Variants in PRR12 observed in about 807,000 individuals in gnomAD.
The protein encoded by PRR12 is proline-rich protein 12.
Under a neutral mutation model 138.0 loss-of-function variants are expected in PRR12, and 12 were observed. The observed-to-expected ratio is 0.09, with a 90% CI of 0.06 to 0.14. The LOEUF is 0.14. PRR12 is among the 10% of genes least tolerant of loss of function. PRR12 has a pLI of 1.00. For missense variants in PRR12, 2,692 were observed against 2,861.3 expected, an observed-to-expected ratio of 0.94 and a Z score of 1.35; for synonymous variants, 1,567 against 1,291.7, an observed-to-expected ratio of 1.21 and a Z score of -4.57.
Position 49,591,240 on chromosome 19 carries a change from AGGCGGC to A in PRR12, c.-401_-396del, listed in dbSNP as rs541946162. The stretch of plus-strand genomic sequence containing the variant: ...TGCACCGTGAGCGCAGAGGAGGAGG[AGGCGGC>A]GGCGGCGGCGGCGAGAGAGCGAGCA... On this transcript the variant is annotated 5_prime_UTR_variant, in exon 1 of 14. Coordinates refer to ENST00000418929, the MANE Select transcript of PRR12 (RefSeq NM_020719.3). 2.3e-5 allele frequency among the ~76,000 whole-genome samples: 3 copies of A among 128,796 alleles called. No homozygotes were observed. The highest frequency in any genetic ancestry group is 4.8e-5 in the Non-Finnish European group (3 of 63,036). 84.5% of individuals were successfully genotyped at this position (128,796 alleles called of 152,430 possible). A position where few individuals can be genotyped will look rare whatever the true frequency, so the allele number is the denominator to read the frequency against.
intron 6 of PRR12, among the ~76,000 whole-genome samples, chr19:49,611,594 C>T (rs565770334): frequency 3.4e-5 from 5 of 147,982 alleles, no homozygotes; most frequent in East Asian, 4.0e-4. Context: ...GCTGAAATCA[C>T]GTCACTGTAC....
chr19:49,625,739 G>A lies in PRR12; in HGVS notation c.*132G>A. The A allele has an allele frequency of 1.6e-6, 2 of 1,239,696 alleles. No homozygotes were observed. The highest frequency in any genetic ancestry group is 2.1e-6 in the Non-Finnish European group (2 of 938,668). The allele number at this position is 1,239,696 out of a possible 1,614,324, so 76.8% of individuals were successfully genotyped here. ...TCATGGGTCAGGGTGTGTCTGTGCT[G>A]CCCCCTCCAGGGCAGGGTTCAAAGT... On this transcript the variant is annotated 3_prime_UTR_variant, in exon 14 of 14. Transcript: ENST00000418929. This position sits in a 1 kb window ranked among gnomAD's most constrained non-coding sequence, Gnocchi z 5.5.
At chr19:49,622,958 A>T (rs7247172) in intron 11 of PRR12, among the ~76,000 whole-genome samples, 7 of 94,486 alleles carry the variant, frequency 7.4e-5, no homozygotes, top group Non-Finnish European at 1.4e-4. Context: ...GAGAGAGAGA[A>T]AGAGAGAGAG....
rs2122389526 is a variant in PRR12 at position 49,624,930 on chromosome 19, T to C, written c.5808T>C (p.Ala1936=). 1 of 1,601,568 alleles carries C rather than the reference T, an allele frequency of 6.2e-7. No homozygotes were observed. Residue 1936 remains alanine (A), a synonymous_variant, in exon 12 of 14, where the codon GCT becomes GCC. Transcript: ENST00000418929. ...PEEGAVRLRP[A]GEPYNRKTLS... ...AGGGGGCTGTGCGGCTGCGGCCTGC[T>C]GGGGAACCCTACAACCGCAAGACGC...
At chr19:49,592,651 T>G (rs2080736556) in intron 1 of PRR12, among the ~76,000 whole-genome samples, 1 of 152,104 alleles carries the variant, frequency 6.6e-6, no homozygotes, top group Admixed American at 6.6e-5. Flanking sequence ...TCTATATCTT[T>G]TCTTCCCCAC....
At position 49,599,557 on chromosome 19, in the gene PRR12, C is replaced by A; in HGVS notation, c.3964C>A (p.Leu1322Met). The A allele has an allele frequency of 6.3e-7, 1 of 1,595,796 alleles. No individual in the cohort carries two copies. The part of the protein sequence containing the change: ...SVPPSVPARG[L>M]QPQPPATPAV... ...GCCACCCTCTGTGCCAGCCCGAGGC[C>A]TGCAGCCCCAGCCCCCTGCCACCCC... The change falls in exon 5 of 14, where the codon CTG (leucine) becomes ATG (methionine). Residue 1322 changes from leucine to methionine, a missense_variant. Physicochemically the swap from Leu to Met is conservative, Grantham distance 15. Transcript: ENST00000418929. The surrounding 1 kb of genome is among the most constrained non-coding windows in gnomAD (Gnocchi z 5.0).
At position 49,610,656 on chromosome 19, in the gene PRR12, C is replaced by T. The variant is rs1199432244; in HGVS notation, c.4774-3877C>T. On this transcript the variant is annotated intron_variant, in intron 6 of 13. Coordinates refer to ENST00000418929, the MANE Select transcript of PRR12 (RefSeq NM_020719.3). ...CTCTGGGTTCACGCCATTCTCCTGC[C>T]TCAGCCTCTCAAGTAGCTAGGACCA... Among the ~76,000 whole-genome samples, 3 of 151,244 alleles carry T rather than the reference C, an allele frequency of 2.0e-5. No individual in the cohort carries two copies. In the Admixed American group the frequency reaches 2.0e-4, roughly 10 times the overall value.
rs376580810 is a variant in PRR12 at position 49,595,453 on chromosome 19, C to T, written c.1118C>T (p.Ala373Val). ...CCTGAGGCAGCAGGGGGCGGTGGGG[C>T]TGGGGGTGGTGGTGGAGGTTACCGC... Reference protein sequence around the residue: ...TGPEAAGGGGAGGGGGGYRPI... With the variant: ...TGPEAAGGGGVGGGGGGYRPI... Residue 373 changes from alanine to valine, a missense_variant, in exon 4 of 14, where the codon GCT becomes GTT. By Grantham distance (64) the Ala-to-Val change is moderately conservative. This residue lies in a region of PRR12 where 523 missense variants were observed against 496.4 expected (regional missense o/e 1.05). Coordinates refer to ENST00000418929, the MANE Select transcript of PRR12 (RefSeq NM_020719.3). 1,901 of 1,404,452 alleles carry T rather than the reference C, an allele frequency of 1.4e-3. 4 individuals carry two copies. The highest frequency in any genetic ancestry group is 1.7e-3 in the Non-Finnish European group (1,722 of 1,016,016). 87.0% of individuals were successfully genotyped at this position (1,404,452 alleles called of 1,614,324 possible).
At chr19:49,612,473 G>A (rs2080871913) in intron 6 of PRR12, among the ~76,000 whole-genome samples, 1 of 152,054 alleles carries the variant, frequency 6.6e-6, no homozygotes, top group South Asian at 2.1e-4. Flanking sequence ...ACTGGGTGTG[G>A]GGTGGGGATG....
chr19:49,609,004 C>G (rs1241088595), intron 6 of PRR12, among the ~76,000 whole-genome samples: 2 of 152,124 alleles, frequency 1.3e-5, no homozygotes. Flanking sequence ...CGTGTATACT[C>G]CAAGCATGTA....
chr19:49,614,469 TA>T lies in PRR12; in HGVS notation c.4774-63del, dbSNP rs1277667698. On this transcript the variant is annotated intron_variant, in intron 6 of 13. Transcript: ENST00000418929. This position sits in a 1 kb window ranked among gnomAD's most constrained non-coding sequence, Gnocchi z 5.0. ...TGAGGGAAGCCAGTGGGCCAGGGCG[TA>T]GGGGCAGTAGGTCTAGGAATGAGGG... 2.5e-6 allele frequency: 3 copies of T among 1,203,138 alleles called. No homozygotes were observed. The highest frequency in any genetic ancestry group is 3.4e-6 in the Non-Finnish European group (3 of 876,706). 74.5% of individuals were successfully genotyped at this position (1,203,138 alleles called of 1,614,324 possible).
chr19:49,604,893 C>T (rs543455234), intron 6 of PRR12, among the ~76,000 whole-genome samples: 2 of 152,060 alleles, frequency 1.3e-5, no homozygotes, highest in South Asian at 4.1e-4. Context: ...CCCTTGTTGT[C>T]CAGGCTGGAA....
At position 49,616,300 on chromosome 19, in the gene PRR12, A is replaced by T; in HGVS notation, c.5497+81A>T. On this transcript the variant is annotated intron_variant, in intron 9 of 13. Transcript: ENST00000418929. The surrounding 1 kb of genome is among the most constrained non-coding windows in gnomAD (Gnocchi z 4.2). ...GAGGGCTGTCCAGAGGGCTCCAGGT[A>T]GCCTTGGCAGGACAGTAAGAACCAG... 2 of 1,270,586 alleles carry T rather than the reference A, an allele frequency of 1.6e-6. No homozygotes were observed. The highest frequency in any genetic ancestry group is 2.1e-6 in the Non-Finnish European group (2 of 940,282). 78.7% of individuals were successfully genotyped at this position (1,270,586 alleles called of 1,614,324 possible). A position where few individuals can be genotyped will look rare whatever the true frequency, so the allele number is the denominator to read the frequency against.
rs1371427187 is a variant in PRR12 at position 49,596,473 on chromosome 19, G to T, written c.2138G>T (p.Gly713Val). ...VIRTSASLDE[G>V]ATAALELGLG... ...CGCACCAGTGCCAGCCTGGATGAGG[G>T]TGCCACTGCGGCACTGGAGCTGGGC... The change falls in exon 4 of 14, where the codon GGT (glycine) becomes GTT (valine). Residue 713 changes from glycine (G) to valine (V), a missense_variant. This residue lies in a region of PRR12 where 840 missense variants were observed against 689.8 expected (regional missense o/e 1.22). Coordinates refer to ENST00000418929, the MANE Select transcript of PRR12 (RefSeq NM_020719.3). The surrounding 1 kb of genome is among the most constrained non-coding windows in gnomAD (Gnocchi z 5.6). 6.2e-7 allele frequency: 1 copy of T among 1,611,092 alleles called. No individual in the cohort carries two copies. Among genetic ancestry groups the T allele is most frequent in the Admixed American group, 1.7e-5 (1 of 59,772 alleles).
At chr19:49,622,924 T>TAGAG (rs1296077375) in intron 11 of PRR12, among the ~76,000 whole-genome samples, 226 of 84,742 alleles carry the variant, frequency 2.7e-3, no homozygotes, top group East Asian at 0.014. Context: ...TATATATATA[T>TAGAG]ATATAGAGAG....
At chr19:49,618,957 T>G (rs188705207) in intron 9 of PRR12, among the ~76,000 whole-genome samples, 1 of 152,112 alleles carries the variant, frequency 6.6e-6, no homozygotes, top group East Asian at 1.9e-4. Context: ...GGCTCCCTAG[T>G]ACCCACCAGA....
At chr19:49,622,093 G>A (rs754591675) in intron 11 of PRR12, among the ~76,000 whole-genome samples, 40 of 152,146 alleles carry the variant, frequency 2.6e-4, no homozygotes, top group Non-Finnish European at 5.1e-4. Context: ...ATGTTAGTGT[G>A]GCACTGAGAA....
In PRR12 at chr19:49,616,282, G is replaced by A; in HGVS notation, c.5497+63G>A. 7.2e-6 allele frequency: 10 copies of A among 1,382,964 alleles called. No homozygotes were observed. Among genetic ancestry groups the A allele is most frequent in the Middle Eastern group, 2.4e-4 (1 of 4,130 alleles). 85.7% of individuals were successfully genotyped at this position (1,382,964 alleles called of 1,614,324 possible). ...TGGGGAAGGGACACAGGTGAGGGCT[G>A]TCCAGAGGGCTCCAGGTAGCCTTGG... is the stretch of plus-strand genomic sequence containing the variant. On this transcript the variant is annotated intron_variant, in intron 9 of 13. Transcript: ENST00000418929. This position sits in a 1 kb window ranked among gnomAD's most constrained non-coding sequence, Gnocchi z 4.2.
At chr19:49,613,042 A>G (rs1322759225) in intron 6 of PRR12, among the ~76,000 whole-genome samples, 1 of 151,028 alleles carries the variant, frequency 6.6e-6, no homozygotes, top group African/African-American at 2.4e-5. Context: ...TCTTGGATTC[A>G]GTTTAAATTT....
Sources: gnomAD v4.1 joint callset for allele counts (sites outside exome capture counted in the v4.1 genomes callset) on GRCh38, gnomAD v4.1.1 for gene constraint, gnomAD v4.1.1 regional missense constraint, Gnocchi (gnomAD v3.1) non-coding constraint, MANE v1.5 for transcripts, NCBI Gene and HGNC (gene_info 2026-07-23, HGNC 2026-07-21) for gene names.